The following CDH13 variants were observed in gnomAD, a reference collection of about 807,000 sequenced individuals.
CDH13 encodes the protein cadherin 13.
Under a neutral mutation model 63.8 loss-of-function variants are expected in CDH13, and 24 were observed. The ratio of observed to expected loss-of-function variants is 0.38; its 90% CI spans 0.27 to 0.53. The LOEUF (loss-of-function observed/expected upper bound fraction) is 0.53, where lower values mean the gene tolerates loss of function less well. CDH13 is among the 20% of genes least tolerant of loss of function. The pLI is 0.85. For synonymous variants in CDH13, 503 were observed against 355.3 expected (o/e 1.42, Z -4.67); for missense variants, 1,049 against 903.1 (o/e 1.16, Z -2.07).
At chr16:83,011,162 C>T (rs1914114142) in intron 2 of CDH13, among the ~76,000 whole-genome samples, 1 of 152,072 alleles carries the variant, frequency 6.6e-6, no homozygotes, top group Non-Finnish European at 1.5e-5. Flanking sequence ...GTGTGAGCTT[C>T]GAAGCCAAGC....
intron 8 of CDH13, among the ~76,000 whole-genome samples, chr16:83,669,564 G>A (rs1914319813): frequency 6.6e-6 from 1 of 152,132 alleles, no homozygotes; most frequent in Non-Finnish European, 1.5e-5. Context: ...CATGTTCTAA[G>A]AATTTTCCAG....
At chr16:83,377,048 G>T (rs2091472518) in intron 6 of CDH13, among the ~76,000 whole-genome samples, 1 of 152,084 alleles carries the variant, frequency 6.6e-6, no homozygotes, top group Admixed American at 6.5e-5. Flanking sequence ...TGGGAATAAA[G>T]GAGCTATATC....
intron 2 of CDH13, among the ~76,000 whole-genome samples, chr16:83,008,897 G>T (rs1445209260): frequency 6.6e-6 from 1 of 152,192 alleles, no homozygotes; most frequent in Non-Finnish European, 1.5e-5. Context: ...TCTCAGGAAA[G>T]GTAGAATTAT....
intron 2 of CDH13, among the ~76,000 whole-genome samples, chr16:82,892,592 C>T (rs1019559873): frequency 1.3e-5 from 2 of 152,154 alleles, no homozygotes; most frequent in African/African-American, 4.8e-5. Context: ...CAAATTATTG[C>T]CTCATTACTT....
At chr16:83,449,112 C>T (rs2072804070) in intron 6 of CDH13, among the ~76,000 whole-genome samples, 1 of 152,168 alleles carries the variant, frequency 6.6e-6, no homozygotes, top group Non-Finnish European at 1.5e-5. Flanking sequence ...CCATATTAAC[C>T]TACGTTTTAA....
rs180872890 is a variant in CDH13, at chr16:82,700,840, C to G, written c.45+73703C>G. Among the ~76,000 whole-genome samples, 4 of 151,808 alleles carry G rather than the reference C, an allele frequency of 2.6e-5. No homozygotes were observed. In the East Asian group the frequency reaches 7.8e-4, roughly 30 times the overall value. ...GTTGTGTTTTCTATATAGCCGCTAT[C>G]CCAAATGATTACTATTCAGAACACT... On this transcript the variant is annotated intron_variant, in intron 1 of 13. Coordinates refer to ENST00000567109, the MANE Select transcript of CDH13 (RefSeq NM_001257.5).
At chr16:83,484,983 G>A (rs1156336015) in intron 6 of CDH13, among the ~76,000 whole-genome samples, 3 of 152,188 alleles carry the variant, frequency 2.0e-5, no homozygotes, top group South Asian at 2.1e-4. Flanking sequence ...GGCTGCATGG[G>A]CCAGGAATGT....
chr16:83,278,817 C>T (rs2089073273), intron 5 of CDH13, among the ~76,000 whole-genome samples: 1 of 152,144 alleles, frequency 6.6e-6, no homozygotes, highest in Non-Finnish European at 1.5e-5. Context: ...AGAAATGAGG[C>T]TGAAAAGAGA....
At chr16:83,168,188 T>C (rs966419122) in intron 4 of CDH13, among the ~76,000 whole-genome samples, 3 of 152,018 alleles carry the variant, frequency 2.0e-5, no homozygotes, top group African/African-American at 7.2e-5. Context: ...CCGCTGAATC[T>C]AAAACGAAAG....
chr16:83,393,100 CAAAGTGTCACCAATATCTAGAT>C (rs2091819959), intron 6 of CDH13, among the ~76,000 whole-genome samples: 1 of 152,150 alleles, frequency 6.6e-6, no homozygotes, highest in Non-Finnish European at 1.5e-5. Context: ...AAAGCAAAAA[CAAAGTGTCACCAATATCTAGAT>C]AAAGTGTCCC....
chr16:83,711,419 A>T (rs1256083834), intron 10 of CDH13, among the ~76,000 whole-genome samples: 1 of 152,206 alleles, frequency 6.6e-6, no homozygotes, highest in Non-Finnish European at 1.5e-5. Context: ...TCAGTCAATT[A>T]GCAAACTTTC....
At chr16:82,995,651 TG>T (rs1446918314) in intron 2 of CDH13, among the ~76,000 whole-genome samples, 1 of 152,170 alleles carries the variant, frequency 6.6e-6, no homozygotes, top group Non-Finnish European at 1.5e-5. Context: ...TATAACACCA[TG>T]GTGTATCGTA....
At chr16:83,239,454 C>T (rs1031951571) in intron 5 of CDH13, among the ~76,000 whole-genome samples, 1 of 152,176 alleles carries the variant, frequency 6.6e-6, no homozygotes, top group African/African-American at 2.4e-5. Flanking sequence ...CTGTCTTTAA[C>T]ACCATGACAC....
intron 10 of CDH13, among the ~76,000 whole-genome samples, chr16:83,706,637 G>T (rs1393721904): frequency 6.6e-6 from 1 of 152,104 alleles, no homozygotes; most frequent in East Asian, 1.9e-4. Context: ...CATTTCTTTG[G>T]TTGCAAGCCA....
intron 5 of CDH13, among the ~76,000 whole-genome samples, chr16:83,330,011 G>A (rs974097999): frequency 6.6e-6 from 1 of 152,150 alleles, no homozygotes; most frequent in African/African-American, 2.4e-5. Flanking sequence ...TATCTTTTAA[G>A]ACCCTGCTTT....
rs541447862 is a variant in CDH13 at position 82,893,691 on chromosome 16, G to A, written c.157+35218G>A. On this transcript the variant is annotated intron_variant, in intron 2 of 13. Transcript: ENST00000567109. ...GAAGCCAGAACCTGAATCTCTTCGAGGAAGTTCTACAGCTGACTTTTAATC... is the reference window on the plus strand; with the variant it reads ...GAAGCCAGAACCTGAATCTCTTCGAAGAAGTTCTACAGCTGACTTTTAATC... Among the ~76,000 whole-genome samples the A allele has an allele frequency of 3.9e-5, 6 of 152,300 alleles. No homozygotes were observed. The East Asian group carries it at 1.2e-3, about 29-fold the overall frequency.
intron 8 of CDH13, among the ~76,000 whole-genome samples, chr16:83,626,003 G>T (rs1462246242): frequency 6.7e-6 from 1 of 149,914 alleles, no homozygotes; most frequent in East Asian, 1.9e-4. Context: ...GAGGAAACAA[G>T]CTTGCTTCTT....
chr16:82,954,229 A>G (rs1158167426), intron 2 of CDH13: 1 of 152,076 alleles, frequency 6.6e-6, no homozygotes, highest in Non-Finnish European at 1.5e-5. Context: ...GAAGCTGGGT[A>G]TTGCTCTTCC....
chr16:83,488,300 A>G (rs1310783909), intron 7 of CDH13, among the ~76,000 whole-genome samples: 5 of 152,222 alleles, frequency 3.3e-5, no homozygotes. Flanking sequence ...CTGTGGTCAT[A>G]TGCATGTTTA....
Sources: gnomAD v4.1 joint callset for allele counts (sites outside exome capture counted in the v4.1 genomes callset) on GRCh38, gnomAD v4.1.1 for gene constraint, MANE v1.5 for transcripts, NCBI Gene and HGNC (gene_info 2026-07-23, HGNC 2026-07-21) for gene names.